DCC: variants seen among roughly 807,000 people sequenced by gnomAD.
DCC encodes netrin receptor DCC.
In DCC, 58 loss-of-function variants were observed where a neutral mutation model predicts 172.5. That is an observed-to-expected ratio of 0.34 (90% CI 0.27 to 0.42). The LOEUF is 0.42. Among genes scored for constraint, DCC ranks in the 10% least tolerant of loss-of-function variants. The pLI, the probability that DCC is intolerant of heterozygous loss-of-function variation, is 1.00. For missense variants in DCC, 1,740 were observed against 1,791.0 expected, an observed-to-expected ratio of 0.97 and a Z score of 0.51; for synonymous variants, 709 against 644.5, an observed-to-expected ratio of 1.10 and a Z score of -1.52.
rs1246150230 is a variant in DCC, at chr18:53,477,085, T to G, written c.3736+9075T>G. Among the ~76,000 whole-genome samples, 3 of 152,238 alleles carry G rather than the reference T, an allele frequency of 2.0e-5. No homozygotes were observed. The East Asian group carries it at 5.8e-4, about 29-fold the overall frequency. ...GTGCAGTGGTATGATCCCTGTTCAC[T>G]GTAACCTCCACCTCACGGGCTCAAG... On this transcript the variant is annotated intron_variant, in intron 25 of 28. Transcript: ENST00000442544.
chr18:53,317,230 A>C (rs1412599087), intron 13 of DCC, among the ~76,000 whole-genome samples: 1 of 152,248 alleles, frequency 6.6e-6, no homozygotes, highest in Non-Finnish European at 1.5e-5. Flanking sequence ...GTGACAAAAT[A>C]TCTCAAAATA....
At chr18:52,938,929 C>CTCTCTTCCA (rs2040421338) in intron 5 of DCC, among the ~76,000 whole-genome samples, 1 of 152,090 alleles carries the variant, frequency 6.6e-6, no homozygotes, top group Non-Finnish European at 1.5e-5. Context: ...CCTAACTTGT[C>CTCTCTTCCA]TCTCTTCCAT....
intron 23 of DCC, among the ~76,000 whole-genome samples, chr18:53,459,029 C>T (rs933642626): frequency 5.3e-5 from 8 of 152,150 alleles, no homozygotes; most frequent in African/African-American, 1.9e-4. Flanking sequence ...GGATTCAGCA[C>T]TGCATCCTTT....
At chr18:53,254,868 A>G (rs941855111) in intron 12 of DCC, among the ~76,000 whole-genome samples, 10 of 152,096 alleles carry the variant, frequency 6.6e-5, no homozygotes, top group African/African-American at 2.4e-4. Context: ...ACATAGTAAT[A>G]TTGTTGCAAT....
At chr18:53,364,072 T>C (rs1029954025) in intron 15 of DCC, among the ~76,000 whole-genome samples, 3 of 152,168 alleles carry the variant, frequency 2.0e-5, no homozygotes, top group Admixed American at 1.3e-4. Context: ...ATTCAATCAA[T>C]ATGTATCAAG....
chr18:52,571,054 C>T (rs1427499468), intron 1 of DCC, among the ~76,000 whole-genome samples: 1 of 152,138 alleles, frequency 6.6e-6, no homozygotes, highest in Non-Finnish European at 1.5e-5. Context: ...ACTTTTGACT[C>T]TGTTTTTATG....
chr18:53,059,987 A>C (rs1272721028), intron 5 of DCC, among the ~76,000 whole-genome samples: 1 of 151,966 alleles, frequency 6.6e-6, no homozygotes, highest in Non-Finnish European at 1.5e-5. Flanking sequence ...AGTATATTTC[A>C]GAAAACATGA....
chr18:53,121,730 A>G (rs933846168), intron 7 of DCC, among the ~76,000 whole-genome samples: 2 of 151,920 alleles, frequency 1.3e-5, no homozygotes, highest in African/African-American at 2.4e-5. Flanking sequence ...ATAATTTTAC[A>G]TGTATTTTTT....
At position 53,086,001 on chromosome 18, in the gene DCC, C is replaced by CTTATTATTATTATTATTATTATTATTA. The variant is rs1212550264; in HGVS notation, c.1261+19837_1261+19838insATTATTATTATTATTATTATTATTATT. On this transcript the variant is annotated intron_variant, in intron 7 of 28. Transcript: ENST00000442544. ...TCTTCTTCTTCTTCTCCTTCTCCTT[C>CTTATTATTATTATTATTATTATTATTA]TTCTCCTTCTCCTTCTCCCTCTCCC... Among the ~76,000 whole-genome samples, 3 of 23,406 alleles carry CTTATTATTATTATTATTATTATTATTA rather than the reference C, an allele frequency of 1.3e-4. 1 individual carries two copies. The highest frequency in any genetic ancestry group is 8.5e-4 in the African/African-American group (1 of 1,180). The allele number at this position is 23,406 out of a possible 152,430, so 15.4% of individuals were successfully genotyped here.
At chr18:52,947,824 C>T (rs1165694472) in intron 5 of DCC, among the ~76,000 whole-genome samples, 2 of 152,206 alleles carry the variant, frequency 1.3e-5, no homozygotes, top group South Asian at 2.1e-4. Flanking sequence ...TGACATTGCA[C>T]GTTCAAGAAT....
chr18:52,786,262 T>C (rs1284022313), intron 2 of DCC, among the ~76,000 whole-genome samples: 1 of 151,282 alleles, frequency 6.6e-6, no homozygotes, highest in Non-Finnish European at 1.5e-5. Flanking sequence ...AGAACTAGCA[T>C]ATTAATCCAG....
At chr18:52,805,795 A>G (rs984129765) in intron 2 of DCC, among the ~76,000 whole-genome samples, 3 of 152,210 alleles carry the variant, frequency 2.0e-5, no homozygotes, top group Non-Finnish European at 4.4e-5. Context: ...GCATTCTCAG[A>G]AATCTGGGCA....
intron 27 of DCC, among the ~76,000 whole-genome samples, chr18:53,523,096 G>A (rs1461014004): frequency 2.6e-5 from 4 of 152,110 alleles, no homozygotes; most frequent in Admixed American, 6.5e-5. Context: ...CCTTCAAAAA[G>A]TGGGCAAAAG....
chr18:52,945,580 C>G (rs978624504), intron 5 of DCC, among the ~76,000 whole-genome samples: 11 of 152,170 alleles, frequency 7.2e-5, no homozygotes, highest in Admixed American at 4.6e-4. Flanking sequence ...AGAAATGCCC[C>G]TAAATGCCTT....
At chr18:52,350,297 T>C (rs545061928) in intron 1 of DCC, among the ~76,000 whole-genome samples, 1 of 152,344 alleles carries the variant, frequency 6.6e-6, no homozygotes, top group African/African-American at 2.4e-5. Context: ...CTGTTCTTCA[T>C]GTGGTTTTTG....
At chr18:53,100,706 G>A (rs910598622) in intron 7 of DCC, among the ~76,000 whole-genome samples, 12 of 152,094 alleles carry the variant, frequency 7.9e-5, no homozygotes, top group African/African-American at 2.7e-4. Context: ...GTGTAGCAGA[G>A]GTCTCGGGGA....
intron 1 of DCC, among the ~76,000 whole-genome samples, chr18:52,666,001 G>C (rs1303562587): frequency 6.6e-6 from 1 of 152,150 alleles, no homozygotes. Context: ...TCCATATAAG[G>C]AAAGTAAGAA....
intron 5 of DCC, among the ~76,000 whole-genome samples, chr18:53,050,936 C>T (rs1038293081): frequency 6.6e-6 from 1 of 152,182 alleles, no homozygotes; most frequent in East Asian, 1.9e-4. Context: ...TCCAAAAAAA[C>T]AAAAACTTTC....
intron 2 of DCC, among the ~76,000 whole-genome samples, chr18:52,777,694 G>A (rs1288067524): frequency 6.6e-6 from 1 of 151,994 alleles, no homozygotes; most frequent in East Asian, 1.9e-4. Context: ...ATTCCAGAAA[G>A]ATACCTGTGC....
Sources: gnomAD v4.1 joint callset for allele counts (sites outside exome capture counted in the v4.1 genomes callset) on GRCh38, gnomAD v4.1.1 for gene constraint, MANE v1.5 for transcripts, NCBI Gene and HGNC (gene_info 2026-07-23, HGNC 2026-07-21) for gene names.